The following PCDH11X variants were observed in gnomAD, a reference collection of about 807,000 sequenced individuals.
The protein encoded by PCDH11X is protocadherin 11 X-linked, also known as protocadherin-11 X-linked.
In PCDH11X, 18 loss-of-function variants were observed where a neutral mutation model predicts 53.3. That is an observed-to-expected ratio of 0.34 (90% CI 0.23 to 0.50). The LOEUF (loss-of-function observed/expected upper bound fraction) is 0.50, where lower values mean the gene tolerates loss of function less well. Among genes scored for constraint, PCDH11X ranks in the 20% least tolerant of loss-of-function variants. The pLI, the probability that PCDH11X is intolerant of heterozygous loss-of-function variation, is 0.98. For synonymous variants in PCDH11X, 279 were observed against 393.3 expected (o/e 0.71, Z 3.44); for missense variants, 570 against 1,032.4 (o/e 0.55, Z 6.14).
chrX:92,147,930 C>T (rs1357964256), intron 6 of PCDH11X, among the ~76,000 whole-genome samples: 21 of 94,927 alleles, frequency 2.2e-4, no homozygotes, highest in Non-Finnish European at 2.7e-4. Context: ...TTTCTTCCTT[C>T]CTTTCTCTCT....
intron 8 of PCDH11X, among the ~76,000 whole-genome samples, chrX:92,329,207 C>T (rs1372673715): frequency 9.0e-6 from 1 of 111,062 alleles, no homozygotes; most frequent in Non-Finnish European, 1.9e-5. Flanking sequence ...TCAATAGATG[C>T]GGAAGAATAA....
chrX:91,893,348 T>A (rs1313008296), intron 6 of PCDH11X, among the ~76,000 whole-genome samples: 14 of 78,866 alleles, frequency 1.8e-4, no homozygotes. Context: ...GAGAACCGCA[T>A]TTTTTTTTTT....
At chrX:92,358,718 G>A (rs935982545) in intron 8 of PCDH11X, among the ~76,000 whole-genome samples, 1 of 102,467 alleles carries the variant, frequency 9.8e-6, no homozygotes, top group Non-Finnish European at 2.0e-5. Context: ...CACAGATAGA[G>A]ACAAAAATAT....
chrX:92,075,105 A>T, intron 6 of PCDH11X, among the ~76,000 whole-genome samples: 1 of 109,939 alleles, frequency 9.1e-6, no homozygotes, highest in Non-Finnish European at 1.9e-5. Context: ...AGTGGTAATT[A>T]CACAGAGGGA....
At chrX:92,616,797 G>T (rs900059987) in intron 10 of PCDH11X, among the ~76,000 whole-genome samples, 1 of 109,923 alleles carries the variant, frequency 9.1e-6, no homozygotes, top group South Asian at 3.9e-4. Flanking sequence ...TTTTTATTTA[G>T]ATTATGTTGA....
chrX:92,519,166 G>A (rs1305477008), intron 10 of PCDH11X, among the ~76,000 whole-genome samples: 13 of 110,282 alleles, frequency 1.2e-4, no homozygotes, highest in Middle Eastern at 4.6e-3. Flanking sequence ...CATTACACAC[G>A]CCTAGTGCTT....
At chrX:92,194,333 T>C (rs1423718600) in intron 6 of PCDH11X, among the ~76,000 whole-genome samples, 1 of 112,091 alleles carries the variant, frequency 8.9e-6, no homozygotes, top group East Asian at 2.8e-4. Context: ...ATTTAAAATA[T>C]GAAAGTTCAG....
At chrX:92,348,989 GTATT>G (rs2069975971) in intron 8 of PCDH11X, among the ~76,000 whole-genome samples, 1 of 96,821 alleles carries the variant, frequency 1.0e-5, no homozygotes, top group Non-Finnish European at 2.1e-5. Context: ...ACATGTATGG[GTATT>G]AGTGCATAAT....
chrX:92,190,912 G>A (rs1441319505), intron 6 of PCDH11X, among the ~76,000 whole-genome samples: 1 of 111,359 alleles, frequency 9.0e-6, no homozygotes, highest in East Asian at 2.8e-4. Context: ...AAGAGGACCT[G>A]ATCGTTGTTG....
At chrX:92,463,767 A>T (rs2073100333) in intron 9 of PCDH11X, among the ~76,000 whole-genome samples, 1 of 111,213 alleles carries the variant, frequency 9.0e-6, no homozygotes, top group Non-Finnish European at 1.9e-5. Context: ...AGCCTTTGCA[A>T]AGATTTCCCT....
At chrX:92,208,120 G>A (rs1314874827) in intron 7 of PCDH11X, among the ~76,000 whole-genome samples, 2 of 105,873 alleles carry the variant, frequency 1.9e-5, no homozygotes, top group African/African-American at 3.4e-5. Flanking sequence ...ACTTGAACCC[G>A]GGTGGCAGAG....
At chrX:92,568,895 A>T (rs1330543049) in intron 10 of PCDH11X, among the ~76,000 whole-genome samples, 1 of 111,546 alleles carries the variant, frequency 9.0e-6, no homozygotes, top group Non-Finnish European at 1.9e-5. Flanking sequence ...GAAGCAATGT[A>T]AAATTTACGT....
In PCDH11X at chrX:91,830,539, C is replaced by T. The variant is rs556580035; in HGVS notation, c.-44-4922C>T. ...CTGAAAATACTAGGTTTATCGGTTG[C>T]TCCAATTTGTCTTTCTCCCAATGTG... On this transcript the variant is annotated intron_variant, in intron 4 of 10. Coordinates refer to ENST00000682573, the MANE Select transcript of PCDH11X (RefSeq NM_032968.5). Among the ~76,000 whole-genome samples, 106 of 110,545 alleles carry T rather than the reference C, an allele frequency of 9.6e-4. No homozygotes were observed. The South Asian group carries it at 0.041, about 42-fold the overall frequency.
At chrX:92,059,207 T>C (rs2063492852) in intron 6 of PCDH11X, among the ~76,000 whole-genome samples, 1 of 108,665 alleles carries the variant, frequency 9.2e-6, no homozygotes, top group Admixed American at 1.0e-4. Context: ...TAGTAGAAAT[T>C]TGATACATAC....
chrX:91,997,269 A>G (rs1336335511), intron 6 of PCDH11X, among the ~76,000 whole-genome samples: 1 of 110,034 alleles, frequency 9.1e-6, no homozygotes, highest in Non-Finnish European at 1.9e-5. Context: ...AGAAGTGGCA[A>G]AGGAGACATC....
At chrX:91,886,705 C>A (rs891257370) in intron 6 of PCDH11X, among the ~76,000 whole-genome samples, 13 of 109,854 alleles carry the variant, frequency 1.2e-4, no homozygotes, top group African/African-American at 4.3e-4. Flanking sequence ...GGCGCGGTGG[C>A]TCATGCCTGT....
At chrX:92,303,207 A>G (rs1223362625) in intron 8 of PCDH11X, among the ~76,000 whole-genome samples, 1 of 111,381 alleles carries the variant, frequency 9.0e-6, no homozygotes, top group Non-Finnish European at 1.9e-5. Context: ...ACCCAAGAAG[A>G]TCACATAGAA....
intron 8 of PCDH11X, among the ~76,000 whole-genome samples, chrX:92,350,022 C>T (rs2070003305): frequency 9.0e-6 from 1 of 110,786 alleles, no homozygotes; most frequent in Non-Finnish European, 1.9e-5. Context: ...CCTGGTCTCC[C>T]TTGGCTCTAG....
Position 92,423,875 on chromosome X carries a change from C to T in PCDH11X, c.3343+35942C>T, listed in dbSNP as rs1289430455. ...TGCCTATTTTTATACCTGTACCATG[C>T]TGTTTTGGTGATTATGGCCTTATAG... On this transcript the variant is annotated intron_variant, in intron 9 of 10. Coordinates refer to ENST00000682573, the MANE Select transcript of PCDH11X (RefSeq NM_032968.5). Among the ~76,000 whole-genome samples, 14 of 96,982 alleles carry T rather than the reference C, an allele frequency of 1.4e-4. 3 individuals are homozygous for T. Among genetic ancestry groups the T allele is most frequent in the Non-Finnish European group, 2.5e-4 (11 of 43,961 alleles). 84.2% of individuals were successfully genotyped at this position (96,982 alleles called of 115,157 possible). A position where few individuals can be genotyped will look rare whatever the true frequency, so the allele number is the denominator to read the frequency against.
Sources: allele counts gnomAD v4.1 joint callset (sites outside exome capture counted in the v4.1 genomes callset), GRCh38; gene constraint gnomAD v4.1.1; transcripts MANE v1.5; gene names NCBI Gene and HGNC (gene_info 2026-07-23, HGNC 2026-07-21).